Variants in NPHP4 observed in about 807,000 individuals in gnomAD.
The protein encoded by NPHP4 is nephrocystin 4.
A neutral mutation model predicts 155.8 loss-of-function variants in NPHP4; 151 were observed. That is an observed-to-expected ratio of 0.97 (90% CI 0.85 to 1.11). NPHP4 has a LOEUF of 1.11. NPHP4 is among the 50% of genes least tolerant of loss of function. The pLI, the probability that NPHP4 is intolerant of heterozygous loss-of-function variation, is 0.00. For synonymous variants in NPHP4, 845 were observed against 816.8 expected (o/e 1.03, Z -0.59); for missense variants, 1,956 against 1,925.7 (o/e 1.02, Z -0.29).
chr1:5,925,222 C>T (rs997087005), intron 11 of NPHP4, among the ~76,000 whole-genome samples: 1 of 152,186 alleles, frequency 6.6e-6, no homozygotes, highest in African/African-American at 2.4e-5. Flanking sequence ...CTGCACTGAA[C>T]ACGTACAGAC....
intron 19 of NPHP4, among the ~76,000 whole-genome samples, chr1:5,877,994 C>T (rs1358923956): frequency 6.6e-6 from 1 of 152,206 alleles, no homozygotes; most frequent in East Asian, 1.9e-4. Context: ...GGGTGTCGGG[C>T]GGGGCTGTGC....
intron 16 of NPHP4, among the ~76,000 whole-genome samples, chr1:5,899,936 C>T (rs1246919965): frequency 1.3e-5 from 2 of 152,216 alleles, no homozygotes; most frequent in Non-Finnish European, 2.9e-5. Context: ...AGAAGATACA[C>T]AGACAGCAAA....
At chr1:5,936,809 C>T (rs565999715) in intron 9 of NPHP4, among the ~76,000 whole-genome samples, 1 of 152,286 alleles carries the variant, frequency 6.6e-6, no homozygotes, top group African/African-American at 2.4e-5. Flanking sequence ...ATGCTCTCAG[C>T]CTAATCCCCG....
At chr1:5,929,585 T>C (rs368915451) in intron 10 of NPHP4, among the ~76,000 whole-genome samples, 8 of 152,326 alleles carry the variant, frequency 5.3e-5, no homozygotes, top group African/African-American at 1.9e-4. Flanking sequence ...AGGCTGTTAC[T>C]ATAATGAATT....
intron 19 of NPHP4, chr1:5,879,343 T>A: frequency 2.8e-6 from 1 of 351,160 alleles, no homozygotes; most frequent in Non-Finnish European, 5.6e-6. Flanking sequence ...TGTGAGGCCT[T>A]ACATTTTAAG....
chr1:5,960,150 T>C (rs1028902649), intron 6 of NPHP4, among the ~76,000 whole-genome samples: 8 of 152,170 alleles, frequency 5.3e-5, no homozygotes, highest in African/African-American at 1.2e-4. Flanking sequence ...TTTCAGAGGA[T>C]TGCAGGCAGA....
rs754431389 is a variant in NPHP4, at chr1:5,967,340, G to A, written c.476C>T (p.Pro159Leu). 2 of 1,607,662 alleles carry A rather than the reference G, an allele frequency of 1.2e-6. No individual in the cohort carries two copies. The highest frequency in any genetic ancestry group is 1.7e-4 in the Middle Eastern group (1 of 6,052). ...DKRLRLYHGT[P>L]RALLHPLLQD... Reference sequence around the variant, plus strand: ...GAGAAGCGGGTGCAGGAGGGCTCTGGGGGTGCCATGGTACAGCCGCAACCT... The same window carrying A: ...GAGAAGCGGGTGCAGGAGGGCTCTGAGGGTGCCATGGTACAGCCGCAACCT... The change falls in exon 5 of 30, where the codon CCC becomes CTC. Residue 159 changes from proline to leucine, a missense_variant. Pro to Leu is a moderately conservative substitution (Grantham distance 98). Coordinates refer to ENST00000378156, the MANE Select transcript of NPHP4 (RefSeq NM_015102.5).
At chr1:5,963,774 G>A (rs1333092243) in intron 5 of NPHP4, among the ~76,000 whole-genome samples, 1 of 145,046 alleles carries the variant, frequency 6.9e-6, no homozygotes, top group African/African-American at 2.6e-5. Context: ...TGCAACCTCC[G>A]CCTCCCGAGT....
intron 6 of NPHP4, among the ~76,000 whole-genome samples, chr1:5,954,403 C>T (rs1387610499): frequency 6.6e-6 from 1 of 152,170 alleles, no homozygotes; most frequent in Non-Finnish European, 1.5e-5. Context: ...AAAGCATGTG[C>T]ACTTACATGT....
chr1:5,879,319 T>C, intron 19 of NPHP4: 1 of 336,178 alleles, frequency 3.0e-6, no homozygotes, highest in Non-Finnish European at 5.8e-6. Flanking sequence ...TGACAAGTAC[T>C]TTATACTCAG....
intron 28 of NPHP4, 118 bp downstream of exon 28, chr1:5,864,220 C>A: frequency 8.6e-7 from 1 of 1,166,990 alleles, no homozygotes; most frequent in Non-Finnish European, 1.2e-6. Context: ...TGCACCCGGC[C>A]CTGCTGGGTC....
At chr1:5,961,456 G>A (rs754343709) in intron 6 of NPHP4, among the ~76,000 whole-genome samples, 1 of 152,162 alleles carries the variant, frequency 6.6e-6, no homozygotes, top group Non-Finnish European at 1.5e-5. Flanking sequence ...TGATCATCAG[G>A]TCACTGATAT....
chr1:5,922,540 T>C (rs191914238), intron 11 of NPHP4, among the ~76,000 whole-genome samples: 327 of 151,226 alleles, frequency 2.2e-3, no homozygotes, highest in Non-Finnish European at 3.6e-3. Flanking sequence ...TTCTTGACTA[T>C]GGTTTTTTTT....
intron 11 of NPHP4, among the ~76,000 whole-genome samples, chr1:5,911,987 G>A (rs1645200562): frequency 6.6e-6 from 1 of 152,228 alleles, no homozygotes; most frequent in African/African-American, 2.4e-5. Flanking sequence ...AAGCACCTGG[G>A]CCAGCAACTG....
At chr1:5,887,057 A>G in intron 18 of NPHP4, 1 of 526,250 alleles carries the variant, frequency 1.9e-6, no homozygotes, top group Non-Finnish European at 3.4e-6. Flanking sequence ...AGAGCCCGAG[A>G]TGACTGATGA....
chr1:5,963,561 G>C (rs570618522), intron 5 of NPHP4, among the ~76,000 whole-genome samples: 11 of 152,182 alleles, frequency 7.2e-5, no homozygotes, highest in East Asian at 3.9e-4. Context: ...AGGAGAAATA[G>C]GAAAAGACTC....
chr1:5,948,885 T>C (rs554591915), intron 7 of NPHP4, among the ~76,000 whole-genome samples: 4 of 152,366 alleles, frequency 2.6e-5, no homozygotes, highest in African/African-American at 9.6e-5. Flanking sequence ...ACAGGCGCTA[T>C]AACAAATGAA....
intron 1 of NPHP4, among the ~76,000 whole-genome samples, chr1:5,991,930 AGG>A: frequency 1.7e-4 from 1 of 5,742 alleles, no homozygotes; most frequent in Non-Finnish European, 3.5e-4. Context: ...GCCAGGGGGC[AGG>A]GGGCAGGGGG....
intron 6 of NPHP4, among the ~76,000 whole-genome samples, chr1:5,954,961 A>C (rs1412490410): frequency 2.6e-5 from 4 of 152,156 alleles, no homozygotes; most frequent in African/African-American, 4.8e-5. Flanking sequence ...GGGAGAAAAT[A>C]TTTGTAAACT....
Sources: allele counts gnomAD v4.1 joint callset (sites outside exome capture counted in the v4.1 genomes callset), GRCh38; gene constraint gnomAD v4.1.1; transcripts MANE v1.5; gene names NCBI Gene and HGNC (gene_info 2026-07-23, HGNC 2026-07-21).